CDH18: variants seen among roughly 807,000 people sequenced by gnomAD.
The protein encoded by CDH18 is cadherin-18.
In CDH18, 31 loss-of-function variants were observed where a neutral mutation model predicts 67.9. The ratio of observed to expected loss-of-function variants is 0.46; its 90% confidence interval spans 0.34 to 0.62. The LOEUF (loss-of-function observed/expected upper bound fraction) is 0.62. CDH18 is among the 20% of genes least tolerant of loss of function. The pLI, the probability that CDH18 is intolerant of heterozygous loss-of-function variation, is 0.01. For synonymous variants in CDH18, 362 were observed against 347.2 expected, an observed-to-expected ratio of 1.04 and a Z score of -0.48; for missense variants, 890 against 975.5, an observed-to-expected ratio of 0.91 and a Z score of 1.17.
At chr5:20,370,795 G>C (rs1164335518) in intron 1 of CDH18, among the ~76,000 whole-genome samples, 1 of 152,060 alleles carries the variant, frequency 6.6e-6, no homozygotes, top group Non-Finnish European at 1.5e-5. Flanking sequence ...TCCCAGCACT[G>C]TGGAAGGCTG....
At chr5:20,383,430 G>T (rs1744071985) in intron 1 of CDH18, among the ~76,000 whole-genome samples, 1 of 152,112 alleles carries the variant, frequency 6.6e-6, no homozygotes, top group South Asian at 2.1e-4. Context: ...GCTTTCAAAA[G>T]CTGATAGAAT....
Position 20,442,193 on chromosome 5 carries a change from A to G in CDH18, c.-580+133269T>C, listed in dbSNP as rs1007986741. Among the ~76,000 whole-genome samples the G allele has an allele frequency of 1.8e-4, 28 of 151,920 alleles. 1 individual carries two copies. The highest frequency in any genetic ancestry group is 6.8e-4 in the African/African-American group (28 of 41,170). On this transcript the variant is annotated intron_variant, in intron 1 of 14. Coordinates refer to the CDH18 transcript ENST00000507958. Reference sequence around the variant, plus strand: ...GGTAACACGGTTGGCTTACCACTGCAATACACTGTCATTGGCATCCTGGAG... The same window carrying G: ...GGTAACACGGTTGGCTTACCACTGCGATACACTGTCATTGGCATCCTGGAG...
At position 20,130,959 on chromosome 5, in the gene CDH18, T is replaced by G. The variant is rs183275755; in HGVS notation, c.-518+124485A>C. On this transcript the variant is annotated intron_variant, in intron 2 of 14. Transcript: ENST00000507958. Reference sequence around the variant, plus strand: ...TCCTATTTTCTTGTATCTAATTTATTGTCAAACAAAGAATAATTTATTGTG... The same window carrying G: ...TCCTATTTTCTTGTATCTAATTTATGGTCAAACAAAGAATAATTTATTGTG... Among the ~76,000 whole-genome samples the G allele has an allele frequency of 3.3e-5, 5 of 151,468 alleles. 1 individual carries two copies. In the East Asian group the frequency reaches 9.6e-4, roughly 29 times the overall value.
intron 2 of CDH18, among the ~76,000 whole-genome samples, chr5:19,932,223 C>T (rs1251775256): frequency 1.3e-5 from 2 of 151,632 alleles, no homozygotes; most frequent in Non-Finnish European, 3.0e-5. Flanking sequence ...ACACACAAGC[C>T]CACACTACTG....
At chr5:20,198,357 T>A (rs1739157698) in intron 2 of CDH18, among the ~76,000 whole-genome samples, 1 of 152,106 alleles carries the variant, frequency 6.6e-6, no homozygotes, top group African/African-American at 2.4e-5. Flanking sequence ...CAGGCTGAAG[T>A]GATCTCAGAT....
chr5:20,390,119 A>T (rs1744707554), intron 1 of CDH18, among the ~76,000 whole-genome samples: 1 of 152,234 alleles, frequency 6.6e-6, no homozygotes, highest in Non-Finnish European at 1.5e-5. Context: ...AATGGCAACA[A>T]AAGCCAAAAC....
intron 2 of CDH18, among the ~76,000 whole-genome samples, chr5:19,840,230 G>A (rs1229169377): frequency 2.1e-5 from 3 of 141,590 alleles, no homozygotes; most frequent in East Asian, 2.2e-4. Flanking sequence ...ATCTGAGATC[G>A]CACCACTGCA....
At chr5:20,287,551 T>C (rs1172191241) in intron 1 of CDH18, among the ~76,000 whole-genome samples, 1 of 151,752 alleles carries the variant, frequency 6.6e-6, no homozygotes, top group Non-Finnish European at 1.5e-5. Flanking sequence ...AGTAAACAAA[T>C]ATTAAAAGCT....
At chr5:19,549,617 AAAG>A (rs1016885861) in intron 8 of CDH18, among the ~76,000 whole-genome samples, 2 of 151,482 alleles carry the variant, frequency 1.3e-5, no homozygotes, top group African/African-American at 4.8e-5. Flanking sequence ...GAAAATAAAG[AAAG>A]AAGGAAGGAA....
intron 1 of CDH18, among the ~76,000 whole-genome samples, chr5:20,541,094 A>T (rs1430717857): frequency 1.3e-5 from 2 of 152,220 alleles, no homozygotes; most frequent in Admixed American, 6.5e-5. Context: ...TCCTGAAAGA[A>T]GTGCAAAAGC....
chr5:20,088,231 A>G (rs1322192833), intron 2 of CDH18, among the ~76,000 whole-genome samples: 1 of 152,220 alleles, frequency 6.6e-6, no homozygotes, highest in East Asian at 1.9e-4. Flanking sequence ...TTGGTATTTT[A>G]CAAATGTGGT....
intron 3 of CDH18, among the ~76,000 whole-genome samples, chr5:19,765,205 G>T (rs1772909549): frequency 6.6e-6 from 1 of 152,142 alleles, no homozygotes; most frequent in Non-Finnish European, 1.5e-5. Flanking sequence ...TATGTATCAA[G>T]TGATGTGCTA....
At chr5:19,840,945 A>G (rs539057584) in intron 2 of CDH18, among the ~76,000 whole-genome samples, 2 of 152,262 alleles carry the variant, frequency 1.3e-5, no homozygotes, top group South Asian at 2.1e-4. Context: ...TGAATAAATA[A>G]CAAATTGACA....
At chr5:19,591,931 T>G (rs182135358) in intron 6 of CDH18, among the ~76,000 whole-genome samples, 2 of 152,194 alleles carry the variant, frequency 1.3e-5, no homozygotes, top group Admixed American at 6.5e-5. Context: ...TAAACAGCAT[T>G]TGTGAATTAG....
chr5:19,702,824 G>A (rs1763446015), intron 5 of CDH18, among the ~76,000 whole-genome samples: 1 of 152,126 alleles, frequency 6.6e-6, no homozygotes, highest in Admixed American at 6.5e-5. Flanking sequence ...CACACTGAAG[G>A]TTGTTGGTTT....
chr5:19,720,064 T>C (rs1765880387), intron 5 of CDH18, among the ~76,000 whole-genome samples: 1 of 152,072 alleles, frequency 6.6e-6, no homozygotes, highest in Admixed American at 6.6e-5. Context: ...TCAAATCCTC[T>C]TGTAAACATG....
chr5:19,745,735 C>T (rs990219728), intron 4 of CDH18, among the ~76,000 whole-genome samples: 1 of 152,140 alleles, frequency 6.6e-6, no homozygotes, highest in South Asian at 2.1e-4. Context: ...CCAGAGGGAA[C>T]GAGTTTGGCA....
chr5:20,262,948 AAAG>A (rs1454646734), intron 1 of CDH18, among the ~76,000 whole-genome samples: 1 of 144,026 alleles, frequency 6.9e-6, no homozygotes, highest in Non-Finnish European at 1.5e-5. Flanking sequence ...GAGAAAAAGA[AAAG>A]AAGGAAGAAT....
intron 7 of CDH18, among the ~76,000 whole-genome samples, chr5:19,587,528 C>A (rs1415236637): frequency 6.6e-6 from 1 of 152,130 alleles, no homozygotes; most frequent in Non-Finnish European, 1.5e-5. Context: ...GTTGTCCCAG[C>A]ACAATTTATT....
Sources: allele counts gnomAD v4.1 joint callset (sites outside exome capture counted in the v4.1 genomes callset), GRCh38; gene constraint gnomAD v4.1.1; transcripts MANE v1.5; gene names NCBI Gene and HGNC (gene_info 2026-07-23, HGNC 2026-07-21).